RSPRY1: variants seen among roughly 807,000 people sequenced by gnomAD.
RSPRY1 encodes the protein ring finger and SPRY domain containing 1.
A neutral mutation model predicts 73.1 loss-of-function variants in RSPRY1; 23 were observed. The observed-to-expected ratio is 0.31, with a 90% CI of 0.23 to 0.45. RSPRY1 has a LOEUF of 0.45. Among genes scored for constraint, RSPRY1 ranks in the 20% least tolerant of loss-of-function variants. The probability of loss-of-function intolerance (pLI) is 1.00; values close to 1 mark genes in which losing one functional copy is unlikely to be tolerated. For synonymous variants in RSPRY1, 226 were observed against 251.4 expected, an observed-to-expected ratio of 0.90 and a Z score of 0.95; for missense variants, 448 against 698.7, an observed-to-expected ratio of 0.64 and a Z score of 4.05.
At chr16:57,231,111 A>C in intron 12 of RSPRY1, 56 bp from the exon 13 acceptor site, 1 of 1,522,634 alleles carries the variant, frequency 6.6e-7, no homozygotes. Flanking sequence ...TCTATCTATT[A>C]ACTCTATTTT....
intron 11 of RSPRY1, 33 bp downstream of exon 11, chr16:57,227,486 T>C: frequency 6.8e-7 from 1 of 1,474,522 alleles, no homozygotes; most frequent in Non-Finnish European, 9.5e-7. Flanking sequence ...ATTTATCAAG[T>C]GGGTTAAGAC....
chr16:57,193,529 G>T (rs1447057949), intron 1 of RSPRY1, among the ~76,000 whole-genome samples: 1 of 147,676 alleles, frequency 6.8e-6, no homozygotes, highest in East Asian at 2.0e-4. Flanking sequence ...GTCTTGCTCT[G>T]TCACCCAGGC....
intron 2 of RSPRY1, among the ~76,000 whole-genome samples, chr16:57,207,047 T>C (rs753066069): frequency 6.6e-6 from 1 of 152,268 alleles, no homozygotes; most frequent in Non-Finnish European, 1.5e-5. Flanking sequence ...GATGGTCACT[T>C]AGGTTACTGC....
intron 1 of RSPRY1, among the ~76,000 whole-genome samples, chr16:57,191,072 T>C (rs1236939368): frequency 6.6e-6 from 1 of 152,220 alleles, no homozygotes; most frequent in African/African-American, 2.4e-5. Context: ...CGTAATTTCA[T>C]AGGTCCTATG....
intron 10 of RSPRY1, among the ~76,000 whole-genome samples, chr16:57,223,026 G>GTT (rs1270904513): frequency 1.3e-5 from 2 of 152,288 alleles, no homozygotes; most frequent in South Asian, 2.1e-4. Flanking sequence ...TTGACAGGCT[G>GTT]TTGGTTTCTT....
intron 13 of RSPRY1, among the ~76,000 whole-genome samples, chr16:57,234,236 C>T (rs562410091): frequency 7.9e-5 from 12 of 152,334 alleles, no homozygotes; most frequent in African/African-American, 2.9e-4. Context: ...TTTCTCCAAA[C>T]AACCACAAAA....
intron 1 of RSPRY1, among the ~76,000 whole-genome samples, chr16:57,191,858 G>T (rs2074357392): frequency 6.6e-6 from 1 of 152,162 alleles, no homozygotes. Context: ...CTGGAAAACT[G>T]ATGGAACAAG....
rs1192200786 is a variant in RSPRY1 at position 57,239,421 on chromosome 16, C to A, written c.*446C>A. 6.6e-6 allele frequency: 1 copy of A among 152,350 alleles called. No individual in the cohort carries two copies. The highest frequency in any genetic ancestry group is 1.5e-5 in the Non-Finnish European group (1 of 68,176). 9.4% of individuals were successfully genotyped at this position (152,350 alleles called of 1,614,324 possible). On this transcript the variant is annotated 3_prime_UTR_variant, in exon 15 of 15. Coordinates refer to ENST00000394420, the MANE Select transcript of RSPRY1 (RefSeq NM_133368.3). ...CATAACTTCTCACTGGTCAGAGACA[C>A]CGGTGTGTCAAGCATGGATATTGCA... is the stretch of plus-strand genomic sequence containing the variant.
rs770955562 is a variant in RSPRY1 at position 57,209,203 on chromosome 16, T to C, written c.516+16T>C. On this transcript the variant is annotated intron_variant, in intron 4 of 14. Transcript: ENST00000394420. ...GCCCACTAAAGTAAGTTAATACTTA[T>C]CTTTTATGAAACTATCATTTGTGCT... 2.9e-5 allele frequency: 42 copies of C among 1,469,858 alleles called. No homozygotes were observed. The highest frequency in any genetic ancestry group is 6.8e-5 in the East Asian group (3 of 44,100). The allele number at this position is 1,469,858 out of a possible 1,614,324, so 91.1% of individuals were successfully genotyped here. A position where few individuals can be genotyped will look rare whatever the true frequency, so the allele number is the denominator to read the frequency against.
chr16:57,213,997 C>T, intron 6 of RSPRY1, 51 bp downstream of exon 6: 1 of 1,223,232 alleles, frequency 8.2e-7, no homozygotes, highest in Non-Finnish European at 1.2e-6. Flanking sequence ...AAGTGGGCAT[C>T]ATCTAGAACT....
chr16:57,238,775 T>C, intron 14 of RSPRY1, 104 bp from the exon 15 acceptor site: 1 of 598,346 alleles, frequency 1.7e-6, no homozygotes. Flanking sequence ...TTAGTAACCC[T>C]TTCAATGAAC....
At chr16:57,209,234 A>G (rs763268554) in intron 4 of RSPRY1, 47 bp downstream of exon 4, 2 of 1,270,930 alleles carry the variant, frequency 1.6e-6, no homozygotes, top group Non-Finnish European at 2.3e-6. Flanking sequence ...GTGCTTAAGC[A>G]CAAGATAAAT....
rs200308767 is a variant in RSPRY1 at position 57,220,880 on chromosome 16, G to A, written c.1017+33G>A. 1.4e-3 allele frequency: 1,897 copies of A among 1,395,486 alleles called. 18 individuals are homozygous for A. Among genetic ancestry groups the A allele is most frequent in the Middle Eastern group, 5.9e-3 (33 of 5,632 alleles). 86.4% of individuals were successfully genotyped at this position (1,395,486 alleles called of 1,614,324 possible). Reference sequence around the variant, plus strand: ...ATGCTTCTACAGTTGGACCCTTTGGGGGATGAGAGGGTAATTATTTTAATC... The same window carrying A: ...ATGCTTCTACAGTTGGACCCTTTGGAGGATGAGAGGGTAATTATTTTAATC... On this transcript the variant is annotated intron_variant, in intron 9 of 14. Transcript: ENST00000394420.
chr16:57,221,174 T>G, intron 9 of RSPRY1, 98 bp from the exon 10 acceptor site: 1 of 1,461,536 alleles, frequency 6.8e-7, no homozygotes, highest in Non-Finnish European at 9.3e-7. Context: ...ACCAGAAGTT[T>G]TAATAAGGAA....
At chr16:57,200,052 G>C (rs1174954713) in intron 1 of RSPRY1, among the ~76,000 whole-genome samples, 6 of 147,210 alleles carry the variant, frequency 4.1e-5, no homozygotes, top group Non-Finnish European at 7.5e-5. Flanking sequence ...GGACCCTGCG[G>C]CCTTCCACAG....
intron 10 of RSPRY1, among the ~76,000 whole-genome samples, chr16:57,225,843 C>T (rs113305956): frequency 4.6e-5 from 7 of 152,304 alleles, no homozygotes; most frequent in African/African-American, 1.7e-4. Flanking sequence ...CTTTGGGAGG[C>T]CGAGGCGGGC....
At chr16:57,207,807 A>G in intron 2 of RSPRY1, 2 of 532,040 alleles carry the variant, frequency 3.8e-6, no homozygotes, top group South Asian at 3.2e-5. Flanking sequence ...CCCAGGACAC[A>G]TAGTAGTCTT....
At chr16:57,222,296 G>A (rs1454686437) in intron 10 of RSPRY1, among the ~76,000 whole-genome samples, 2 of 152,192 alleles carry the variant, frequency 1.3e-5, no homozygotes, top group Non-Finnish European at 2.9e-5. Flanking sequence ...GTCTCACTGT[G>A]TTGCTCAGGC....
In RSPRY1 at chr16:57,227,124, G is replaced by A. The variant is rs148044843; in HGVS notation, c.1162-218G>A. Among the ~76,000 whole-genome samples the A allele has an allele frequency of 3.8e-3, 574 of 152,300 alleles. 5 individuals carry two copies. Among genetic ancestry groups the A allele is most frequent in the African/African-American group, 0.013 (550 of 41,558 alleles). On this transcript the variant is annotated intron_variant, in intron 10 of 14. Transcript: ENST00000394420. ...AATGTGAAAGTGCCTGAACAAAGGAGGCACTGGGAAAATATTTGTTGGTGA... is the reference window on the plus strand; with the variant it reads ...AATGTGAAAGTGCCTGAACAAAGGAAGCACTGGGAAAATATTTGTTGGTGA...
Sources: allele counts gnomAD v4.1 joint callset (sites outside exome capture counted in the v4.1 genomes callset), GRCh38; gene constraint gnomAD v4.1.1; transcripts MANE v1.5; gene names NCBI Gene and HGNC (gene_info 2026-07-23, HGNC 2026-07-21).